The following NELFB variants were observed in gnomAD, a reference collection of about 807,000 sequenced individuals.
NELFB encodes the protein negative elongation factor B.
NELFB carries 34 observed loss-of-function variants against 60.2 expected under a neutral mutation model. The observed-to-expected ratio is 0.56, with a 90% CI of 0.43 to 0.75. The LOEUF (loss-of-function observed/expected upper bound fraction) is 0.75. NELFB is among the 30% of genes least tolerant of loss of function. The probability of loss-of-function intolerance (pLI) is 0.00; values close to 1 mark genes in which losing one functional copy is unlikely to be tolerated. For synonymous variants in NELFB, 459 were observed against 382.1 expected, an observed-to-expected ratio of 1.20 and a Z score of -2.35; for missense variants, 770 against 831.6, an observed-to-expected ratio of 0.93 and a Z score of 0.91.
In NELFB at chr9:137,256,519, G is replaced by A. The variant is rs1442565285; in HGVS notation, c.510+91G>A. 6 of 1,171,096 alleles carry A rather than the reference G, an allele frequency of 5.1e-6. No homozygotes were observed. In the Admixed American group the frequency reaches 7.4e-5, roughly 14 times the overall value. The allele number at this position is 1,171,096 out of a possible 1,614,324, so 72.5% of individuals were successfully genotyped here. A position where few individuals can be genotyped will look rare whatever the true frequency, so the allele number is the denominator to read the frequency against. ...GAAGTTCCGGTGGCCGCCTAGCTCCGGGAGCTTCCTGTGCTGCCTGCCCAA... is the reference window on the plus strand; with the variant it reads ...GAAGTTCCGGTGGCCGCCTAGCTCCAGGAGCTTCCTGTGCTGCCTGCCCAA... On this transcript the variant is annotated intron_variant, in intron 3 of 12. Transcript: ENST00000343053.
At position 137,256,790 on chromosome 9, in the gene NELFB, G is replaced by C. The variant is rs1231407005; in HGVS notation, c.511-34G>C. 6 of 1,602,886 alleles carry C rather than the reference G, an allele frequency of 3.7e-6. No homozygotes were observed. In the Admixed American group the frequency reaches 5.0e-5, roughly 13 times the overall value. ...TCTTGAAGGAGACCCAGGGACACAG[G>C]TGCCACTCACAGGCAGCCTGTGGTG... On this transcript the variant is annotated intron_variant, in intron 3 of 12. Transcript: ENST00000343053.
chr9:137,269,721 G>A lies in NELFB; in HGVS notation c.1490-2360G>A, dbSNP rs1390030359. 1.3e-5 allele frequency among the ~76,000 whole-genome samples: 2 copies of A among 152,234 alleles called. No homozygotes were observed. Among genetic ancestry groups the A allele is most frequent in the Non-Finnish European group, 2.9e-5 (2 of 68,042 alleles). ...AGTGGGTGGCACCTTCTGGATTTGT[G>A]TCAGTCACTGTGGAGTTCGCACAAT... On this transcript the variant is annotated intron_variant, in intron 10 of 12. Coordinates refer to ENST00000343053, the MANE Select transcript of NELFB (RefSeq NM_015456.5). The surrounding 1 kb of genome is among the most constrained non-coding windows in gnomAD (Gnocchi z 5.3).
Position 137,272,957 on chromosome 9 carries a change from G to A in NELFB, c.*29G>A. On this transcript the variant is annotated 3_prime_UTR_variant, in exon 13 of 13. Coordinates refer to ENST00000343053, the MANE Select transcript of NELFB (RefSeq NM_015456.5). ...CCCTCCAGACCTGCTCGGGTGCTGG[G>A]GCCATGCCGAGTCGCGGCCCTGCTC... 2.0e-6 allele frequency: 3 copies of A among 1,481,416 alleles called. No individual in the cohort carries two copies. Among genetic ancestry groups the A allele is most frequent in the Middle Eastern group, 2.4e-4 (1 of 4,234 alleles). 91.8% of individuals were successfully genotyped at this position (1,481,416 alleles called of 1,614,324 possible). A position where few individuals can be genotyped will look rare whatever the true frequency, so the allele number is the denominator to read the frequency against.
At chr9:137,261,498 A>G (rs930205212) in intron 4 of NELFB, among the ~76,000 whole-genome samples, 21 of 152,108 alleles carry the variant, frequency 1.4e-4, no homozygotes, top group Middle Eastern at 3.4e-3. Flanking sequence ...TCTCTACTAC[A>G]ATACAAAAAA....
At chr9:137,259,747 C>CA (rs1373927417) in intron 4 of NELFB, among the ~76,000 whole-genome samples, 1 of 150,230 alleles carries the variant, frequency 6.7e-6, no homozygotes. Flanking sequence ...TTTTTGGAGA[C>CA]AGAGTCTTGC....
chr9:137,263,023 G>C lies in NELFB; in HGVS notation c.742-14G>C. The C allele has an allele frequency of 6.2e-7, 1 of 1,608,250 alleles. No individual in the cohort carries two copies. Among genetic ancestry groups the C allele is most frequent in the South Asian group, 1.1e-5 (1 of 90,980 alleles). On this transcript the variant is annotated splice_polypyrimidine_tract_variant and intron_variant, in intron 4 of 12. Transcript: ENST00000343053. ...CAGGACGGTCTGGGGGCCTGACAGTGCCTCTTGCTGCAGGTGGTGCAGCGG... is the reference window on the plus strand; with the variant it reads ...CAGGACGGTCTGGGGGCCTGACAGTCCCTCTTGCTGCAGGTGGTGCAGCGG...
At chr9:137,265,165 A>G (rs1830502753) in intron 6 of NELFB, among the ~76,000 whole-genome samples, 1 of 147,396 alleles carries the variant, frequency 6.8e-6, no homozygotes, top group Admixed American at 6.8e-5. Context: ...GATTACAGGC[A>G]CACACCAGTG....
intron 4 of NELFB, among the ~76,000 whole-genome samples, chr9:137,261,113 C>CG (rs371255288): frequency 6.7e-6 from 1 of 148,586 alleles, no homozygotes. Context: ...GAGGCCGAGG[C>CG]GGGTGGATCA....
At chr9:137,260,503 A>G (rs1830424210) in intron 4 of NELFB, among the ~76,000 whole-genome samples, 1 of 137,848 alleles carries the variant, frequency 7.3e-6, no homozygotes, top group Non-Finnish European at 1.5e-5. Flanking sequence ...CCCAGGCTGG[A>G]GTGCAGTGGT....
intron 4 of NELFB, among the ~76,000 whole-genome samples, chr9:137,261,720 T>C (rs115157458): frequency 0.033 from 5,001 of 151,916 alleles, 109 homozygotes; most frequent in Non-Finnish European, 0.054. Flanking sequence ...TGATGGGTTT[T>C]TCTCCCCGTG....
intron 4 of NELFB, among the ~76,000 whole-genome samples, chr9:137,260,694 C>A (rs116379250): frequency 0.018 from 2,664 of 151,942 alleles, 83 homozygotes; most frequent in East Asian, 0.14. Context: ...CTCAGGTAGT[C>A]CACCCACCTT....
Position 137,261,138 on chromosome 9 carries a change from C to T in NELFB, c.742-1899C>T, listed in dbSNP as rs772946825. 1.3e-4 allele frequency among the ~76,000 whole-genome samples: 19 copies of T among 149,076 alleles called. 1 individual carries two copies. Among genetic ancestry groups the T allele is most frequent in the South Asian group, 4.3e-4 (2 of 4,680 alleles). On this transcript the variant is annotated intron_variant, in intron 4 of 12. Coordinates refer to ENST00000343053, the MANE Select transcript of NELFB (RefSeq NM_015456.5). ...CGGGTGGATCATGAGGTCAGGAGAT[C>T]GAGACCATCCTGGCTAACATGGTGA... is the stretch of plus-strand genomic sequence containing the variant.
Position 137,269,231 on chromosome 9 carries a change from C to T in NELFB, c.1489+1885C>T, listed in dbSNP as rs942152114. 6.6e-6 allele frequency among the ~76,000 whole-genome samples: 1 copy of T among 152,084 alleles called. No homozygotes were observed. Among genetic ancestry groups the T allele is most frequent in the African/African-American group, 2.4e-5 (1 of 41,398 alleles). On this transcript the variant is annotated intron_variant, in intron 10 of 12. Coordinates refer to ENST00000343053, the MANE Select transcript of NELFB (RefSeq NM_015456.5). The surrounding 1 kb of genome is among the most constrained non-coding windows in gnomAD (Gnocchi z 5.3). ...CATCCTCTCACTGAGCTTGGGTTGC[C>T]TGGGCCTGGGTTTCCTGTTGTTGCT...
At chr9:137,266,510 G>A (rs1193359484) in intron 8 of NELFB, 84 bp downstream of exon 8, 3 of 1,215,386 alleles carry the variant, frequency 2.5e-6, no homozygotes, top group African/African-American at 3.0e-5. Context: ...CGCTAGCAAG[G>A]TGATTGTGGA....
In NELFB at chr9:137,256,502, G is replaced by A. The variant is rs2131472620; in HGVS notation, c.510+74G>A. 6 of 1,357,234 alleles carry A rather than the reference G, an allele frequency of 4.4e-6. No individual in the cohort carries two copies. In the South Asian group the frequency reaches 4.7e-5, roughly 11 times the overall value. 84.1% of individuals were successfully genotyped at this position (1,357,234 alleles called of 1,614,324 possible). A position where few individuals can be genotyped will look rare whatever the true frequency, so the allele number is the denominator to read the frequency against. ...CATGCCCTTGGTTAGTGGAAGTTCC[G>A]GTGGCCGCCTAGCTCCGGGAGCTTC... On this transcript the variant is annotated intron_variant, in intron 3 of 12. Coordinates refer to ENST00000343053, the MANE Select transcript of NELFB (RefSeq NM_015456.5).
intron 4 of NELFB, among the ~76,000 whole-genome samples, chr9:137,262,246 C>T (rs955621626): frequency 1.3e-5 from 2 of 152,106 alleles, no homozygotes; most frequent in African/African-American, 2.4e-5. Flanking sequence ...TAAACTCCCC[C>T]GGGGAAAGGG....
At position 137,272,577 on chromosome 9, in the gene NELFB, C is replaced by T. The variant is rs1358424273; in HGVS notation, c.1702C>T (p.Leu568=). The change falls in exon 12 of 13, where the codon CTG becomes TTG. Residue 568 remains leucine (L), a synonymous_variant. Coordinates refer to ENST00000343053, the MANE Select transcript of NELFB (RefSeq NM_015456.5). ...GCACCCCAGGGTGGCCCCGTCTAAG[C>T]TGGAGGCGTTGCAGAAGGCCCTGGA... The T allele has an allele frequency of 1.2e-6, 2 of 1,609,656 alleles. No individual in the cohort carries two copies. Among genetic ancestry groups the T allele is most frequent in the East Asian group, 2.2e-5 (1 of 44,722 alleles).
chr9:137,263,010 G>T (rs1269351634), intron 4 of NELFB, 27 bp from the exon 5 acceptor site: 6 of 1,605,310 alleles, frequency 3.7e-6, no homozygotes, highest in Non-Finnish European at 5.1e-6. Context: ...GGACGGTCTG[G>T]GGGCCTGACA....
At chr9:137,261,942 G>A (rs1177368411) in intron 4 of NELFB, among the ~76,000 whole-genome samples, 3 of 151,376 alleles carry the variant, frequency 2.0e-5, no homozygotes, top group Non-Finnish European at 2.9e-5. Flanking sequence ...TCACGTGTCC[G>A]CTTGACAGGG....
Sources: gnomAD v4.1 joint callset for allele counts (sites outside exome capture counted in the v4.1 genomes callset) on GRCh38, gnomAD v4.1.1 for gene constraint, Gnocchi (gnomAD v3.1) non-coding constraint, MANE v1.5 for transcripts, NCBI Gene and HGNC (gene_info 2026-07-23, HGNC 2026-07-21) for gene names.